The following ANK3 variants were observed in gnomAD, a reference collection of about 807,000 sequenced individuals.
ANK3 encodes ankyrin 3.
ANK3 carries 57 observed loss-of-function variants against 370.9 expected under a neutral mutation model. The ratio of observed to expected loss-of-function variants is 0.15; its 90% CI spans 0.12 to 0.19. The LOEUF (loss-of-function observed/expected upper bound fraction) is 0.19. Among genes scored for constraint, ANK3 ranks in the 10% least tolerant of loss-of-function variants. ANK3 has a pLI of 1.00. For missense variants in ANK3, 4,439 were observed against 5,302.1 expected (o/e 0.84, Z 5.06); for synonymous variants, 1,929 against 1,946.3 (o/e 0.99, Z 0.23).
intron 1 of ANK3, among the ~76,000 whole-genome samples, chr10:60,335,443 T>C (rs2052595139): frequency 6.6e-6 from 1 of 152,102 alleles, no homozygotes; most frequent in South Asian, 2.1e-4. Context: ...ATCTATAAAA[T>C]TTTCTCTTCT....
chr10:60,671,789 C>T (rs1329346495), intron 1 of ANK3, among the ~76,000 whole-genome samples: 1 of 152,224 alleles, frequency 6.6e-6, no homozygotes, highest in African/African-American at 2.4e-5. Flanking sequence ...GATGCTCAAG[C>T]AGCCCAATGG....
chr10:60,123,797 T>C (rs889742635), intron 25 of ANK3, among the ~76,000 whole-genome samples: 5 of 152,126 alleles, frequency 3.3e-5, no homozygotes, highest in East Asian at 1.9e-4. Context: ...TTAGTAACAG[T>C]TGGATGATAC....
rs375282903 is a variant in ANK3 at position 60,306,782 on chromosome 10, CT to C, written c.115-27144del. On this transcript the variant is annotated intron_variant, in intron 1 of 43. Coordinates refer to ENST00000280772, the MANE Select transcript of ANK3 (RefSeq NM_020987.5). ...GATGGCATATTGTGAGTTGATATTG[CT>C]GTGTCTAGAATTCATAACTGTATTC... Among the ~76,000 whole-genome samples the C allele has an allele frequency of 3.0e-4, 45 of 152,278 alleles. 2 individuals are homozygous for C. In the East Asian group the frequency reaches 4.8e-3, roughly 16 times the overall value.
chr10:60,057,916 A>G lies in ANK3; in HGVS notation c.12686+1424T>C, dbSNP rs942505305. 3.3e-5 allele frequency among the ~76,000 whole-genome samples: 5 copies of G among 152,296 alleles called. No homozygotes were observed. In the East Asian group the frequency reaches 9.6e-4, roughly 29 times the overall value. ...GTTCATTCATGCCTGCAATTTTTCA[A>G]AAGTAGTTTTGTAAACTCCCTCTTT... On this transcript the variant is annotated intron_variant, in intron 41 of 43. Transcript: ENST00000280772.
chr10:60,038,002 T>C (rs1208457511), intron 43 of ANK3, among the ~76,000 whole-genome samples: 1 of 152,254 alleles, frequency 6.6e-6, no homozygotes, highest in African/African-American at 2.4e-5. Context: ...TGGTGTGACA[T>C]GGTATCTCAT....
rs745521831 is a variant in ANK3 at position 60,254,286 on chromosome 10, G to A, written c.798+7573C>T. Among the ~76,000 whole-genome samples the A allele has an allele frequency of 3.3e-5, 5 of 151,386 alleles. No individual in the cohort carries two copies. In the South Asian group the frequency reaches 8.3e-4, roughly 25 times the overall value. Reference sequence around the variant, plus strand: ...TCCATGGTTGGTTAAAACCATGGATGTGAAATCTAAGAATGTGGAGAGCCG... The same window carrying A: ...TCCATGGTTGGTTAAAACCATGGATATGAAATCTAAGAATGTGGAGAGCCG... On this transcript the variant is annotated intron_variant, in intron 7 of 43. Coordinates refer to ENST00000280772, the MANE Select transcript of ANK3 (RefSeq NM_020987.5).
intron 23 of ANK3, among the ~76,000 whole-genome samples, chr10:60,166,318 G>A (rs1213939521): frequency 6.6e-6 from 1 of 151,978 alleles, no homozygotes; most frequent in South Asian, 2.1e-4. Flanking sequence ...TATTCTGTTC[G>A]ATAGAAACAA....
chr10:60,128,528 C>A (rs1485525626), intron 25 of ANK3, among the ~76,000 whole-genome samples: 1 of 151,970 alleles, frequency 6.6e-6, no homozygotes, highest in Non-Finnish European at 1.5e-5. Context: ...TACAGGCGTG[C>A]ACCACTACCA....
chr10:60,361,082 G>C (rs925873500), intron 1 of ANK3, among the ~76,000 whole-genome samples: 6 of 152,172 alleles, frequency 3.9e-5, no homozygotes, highest in Non-Finnish European at 5.9e-5. Flanking sequence ...TTATCAACAA[G>C]AAGATGAGAG....
At chr10:60,180,229 C>CTA (rs1433871927) in intron 18 of ANK3, among the ~76,000 whole-genome samples, 1 of 152,126 alleles carries the variant, frequency 6.6e-6, no homozygotes, top group African/African-American at 2.4e-5. Flanking sequence ...CAGAACCTGC[C>CTA]TATATTACAT....
intron 1 of ANK3, among the ~76,000 whole-genome samples, chr10:60,357,890 A>T (rs1208321457): frequency 6.6e-6 from 1 of 152,116 alleles, no homozygotes; most frequent in Non-Finnish European, 1.5e-5. Context: ...GCAATGGCAG[A>T]AGCATCCCTG....
In ANK3 at chr10:60,270,170, A is replaced by C; in HGVS notation, c.474T>G (p.Phe158Leu). The C allele has an allele frequency of 6.2e-7, 1 of 1,601,668 alleles. No homozygotes were observed. Among genetic ancestry groups the C allele is most frequent in the Non-Finnish European group, 8.5e-7 (1 of 1,172,724 alleles). Residue 158 changes from phenylalanine (F) to leucine (L), a missense_variant, in exon 5 of 44, where the codon TTT becomes TTG. By Grantham distance (22) the Phe-to-Leu change is conservative. This residue lies in a region of ANK3 where 136 missense variants were observed against 230.5 expected (regional missense o/e 0.59). Transcript: ENST00000280772. ...TCTGGCTTGCACCATTGTCAAGAAG[A>C]AACTTGACAACTTCCAGGTGATTTT... is the stretch of plus-strand genomic sequence containing the variant. ...AQENHLEVVK[F>L]LLDNGASQSL...
At chr10:60,701,280 T>A (rs967155999) in intron 1 of ANK3, among the ~76,000 whole-genome samples, 3 of 152,036 alleles carry the variant, frequency 2.0e-5, no homozygotes, top group Non-Finnish European at 4.4e-5. Context: ...CATTTTCATA[T>A]GTGGTCGAGA....
intron 2 of ANK3, among the ~76,000 whole-genome samples, chr10:60,548,060 C>G (rs1290537962): frequency 6.6e-6 from 1 of 152,052 alleles, no homozygotes; most frequent in African/African-American, 2.4e-5. Context: ...CATTTTCTCC[C>G]AAAGAGGAAA....
chr10:60,660,429 G>A (rs1210918062), intron 1 of ANK3, among the ~76,000 whole-genome samples: 1 of 152,090 alleles, frequency 6.6e-6, no homozygotes, highest in African/African-American at 2.4e-5. Context: ...AATTATTGTT[G>A]CAACAGTAAT....
Position 60,043,442 on chromosome 10 carries a change from T to C in ANK3, c.13066-683A>G. The C allele has an allele frequency of 7.1e-6, 7 of 984,556 alleles. No individual in the cohort carries two copies. In the South Asian group the frequency reaches 3.3e-4, roughly 46 times the overall value. The allele number at this position is 984,556 out of a possible 1,614,324, so 61.0% of individuals were successfully genotyped here. A position where few individuals can be genotyped will look rare whatever the true frequency, so the allele number is the denominator to read the frequency against. ...GTTTCTATTTTTAAATTGAAAAGGG[T>C]AGAGATCTGAGAAACAAGTGAAAAA... On this transcript the variant is annotated intron_variant, in intron 42 of 43. Coordinates refer to ENST00000280772, the MANE Select transcript of ANK3 (RefSeq NM_020987.5).
chr10:60,054,848 A>G (rs1024554615), intron 42 of ANK3, among the ~76,000 whole-genome samples: 1 of 152,232 alleles, frequency 6.6e-6, no homozygotes, highest in African/African-American at 2.4e-5. Flanking sequence ...AAAAATTGGG[A>G]GAGTAAAAAG....
Position 60,694,622 on chromosome 10 carries a change from C to G in ANK3, c.57+38641G>C, listed in dbSNP as rs530058355. 6.6e-5 allele frequency among the ~76,000 whole-genome samples: 10 copies of G among 152,126 alleles called. No individual in the cohort carries two copies. The South Asian group carries it at 2.1e-3, about 32-fold the overall frequency. ...ATTCTTAAAGAAAAGAATTTTCAACCCAGAATTTCATATCCAGCAAAACTA... is the reference window on the plus strand; with the variant it reads ...ATTCTTAAAGAAAAGAATTTTCAACGCAGAATTTCATATCCAGCAAAACTA... On this transcript the variant is annotated intron_variant, in intron 1 of 43. Coordinates refer to the ANK3 transcript ENST00000373827.
chr10:60,220,161 C>T (rs533909830), intron 8 of ANK3, among the ~76,000 whole-genome samples: 193 of 152,240 alleles, frequency 1.3e-3, no homozygotes, highest in African/African-American at 4.3e-3. Flanking sequence ...CCACCACCTA[C>T]ACAAAAAACA....
Sources: gnomAD v4.1 joint callset for allele counts (sites outside exome capture counted in the v4.1 genomes callset) on GRCh38, gnomAD v4.1.1 for gene constraint, gnomAD v4.1.1 regional missense constraint, MANE v1.5 for transcripts, NCBI Gene and HGNC (gene_info 2026-07-23, HGNC 2026-07-21) for gene names.